The following CLPB variants were observed in gnomAD, a reference collection of about 807,000 sequenced individuals.
CLPB encodes ClpB family mitochondrial disaggregase.
CLPB carries 40 observed loss-of-function variants against 78.4 expected under a neutral mutation model. The ratio of observed to expected loss-of-function variants is 0.51; its 90% CI spans 0.40 to 0.66. The LOEUF is 0.66. CLPB is among the 30% of genes least tolerant of loss of function. CLPB has a pLI of 0.00. For missense variants in CLPB, 780 were observed against 886.9 expected (o/e 0.88, Z 1.53); for synonymous variants, 333 against 348.0 (o/e 0.96, Z 0.48).
intron 2 of CLPB, among the ~76,000 whole-genome samples, chr11:72,406,347 T>C (rs1855709553): frequency 6.6e-6 from 1 of 152,066 alleles, no homozygotes; most frequent in Admixed American, 6.5e-5. Flanking sequence ...AGAAAGAAGA[T>C]TGAAATGCCT....
Position 72,419,140 on chromosome 11 carries a change from T to C in CLPB, c.455+11172A>G, listed in dbSNP as rs971043746. Among the ~76,000 whole-genome samples the C allele has an allele frequency of 1.1e-3, 173 of 152,222 alleles. 3 individuals are homozygous for C. Among genetic ancestry groups the C allele is most frequent in the Non-Finnish European group, 6.8e-4 (46 of 68,042 alleles). On this transcript the variant is annotated intron_variant, in intron 2 of 15. Transcript: ENST00000538039. Reference sequence around the variant, plus strand: ...AACACACTGGCTTGATTGTTTTCAATATTCTTAGATTCATCTCTGTTCCTC... The same window carrying C: ...AACACACTGGCTTGATTGTTTTCAACATTCTTAGATTCATCTCTGTTCCTC...
chr11:72,407,994 C>A, intron 2 of CLPB: 1 of 795,096 alleles, frequency 1.3e-6, no homozygotes. Context: ...CATCATCTGG[C>A]TAAGCTTTGT....
chr11:72,371,113 G>C (rs1263046303), intron 4 of CLPB, among the ~76,000 whole-genome samples: 1 of 152,072 alleles, frequency 6.6e-6, no homozygotes, highest in African/African-American at 2.4e-5. Context: ...ACCCAGGCTG[G>C]AGTGCAGTGG....
At chr11:72,299,285 C>T (rs1466574558) in intron 11 of CLPB, among the ~76,000 whole-genome samples, 3 of 152,240 alleles carry the variant, frequency 2.0e-5, no homozygotes, top group African/African-American at 7.2e-5. Flanking sequence ...TCTCCCTTCT[C>T]ATCCATTCTT....
Position 72,293,527 on chromosome 11 carries a change from T to A in CLPB, c.1874A>T (p.Asp625Val). ...GCTTTTGAGTAGCTGCTTGTCTGAG[T>A]CCTCCACCGTGATGCGCAAAGTACA... The part of the protein sequence containing the change: ...GGCTLRITVE[D>V]SDKQLLKSPE... The change falls in exon 16 of 16, where the codon GAC (aspartate) becomes GTC (valine). Residue 625 changes from aspartate (D) to valine (V), a missense_variant. Around this residue, in one of 3 missense-constraint regions of CLPB, gnomAD observed 272 missense variants for 304.0 expected, o/e 0.89. Coordinates refer to ENST00000538039, the MANE Select transcript of CLPB (RefSeq NM_001258392.3). The A allele has an allele frequency of 5.0e-6, 8 of 1,613,972 alleles. No homozygotes were observed. The highest frequency in any genetic ancestry group is 6.8e-6 in the Non-Finnish European group (8 of 1,179,980).
At position 72,354,285 on chromosome 11, in the gene CLPB, A is replaced by G. The variant is rs970401625; in HGVS notation, c.775+4595T>C. 92 of 392,980 alleles carry G rather than the reference A, an allele frequency of 2.3e-4. 1 individual carries two copies. The East Asian group carries it at 2.4e-3, about 10-fold the overall frequency. The allele number at this position is 392,980 out of a possible 1,614,324, so 24.3% of individuals were successfully genotyped here. A position where few individuals can be genotyped will look rare whatever the true frequency, so the allele number is the denominator to read the frequency against. ...CAAAGATGTGTGTGTGTGTATATAT[A>G]TATATATATATATAGCTAGTACCAT... On this transcript the variant is annotated intron_variant, in intron 5 of 15. Coordinates refer to ENST00000538039, the MANE Select transcript of CLPB (RefSeq NM_001258392.3).
chr11:72,393,706 A>G (rs1353282106), intron 3 of CLPB, among the ~76,000 whole-genome samples: 1 of 152,206 alleles, frequency 6.6e-6, no homozygotes, highest in Non-Finnish European at 1.5e-5. Context: ...CTGGGGCCTG[A>G]TGTTGCACAG....
chr11:72,286,110 G>GA lies in CLPB; in HGVS notation c.*7256dup, dbSNP rs1949384185. The GA allele has an allele frequency of 6.6e-6, 1 of 151,592 alleles. No individual in the cohort carries two copies. The highest frequency in any genetic ancestry group is 2.4e-5 in the African/African-American group (1 of 41,232). 9.4% of individuals were successfully genotyped at this position (151,592 alleles called of 1,614,324 possible). On this transcript the variant is annotated 3_prime_UTR_variant, in exon 16 of 16. Coordinates refer to ENST00000538039, the MANE Select transcript of CLPB (RefSeq NM_001258392.3). ...CCACAACCAGCTAATTTTTTGCAGA[G>GA]ATGGGGTTTCACCATGTTGCTCAGG... is the stretch of plus-strand genomic sequence containing the variant.
rs143063258 is a variant in CLPB at position 72,402,659 on chromosome 11, T to A, written c.542+307A>T. On this transcript the variant is annotated intron_variant, in intron 3 of 15. Transcript: ENST00000538039. Reference sequence around the variant, plus strand: ...GATGGTAGGTAACAGAACATTACAATAATTTGCACCTATAAACACAACCAA... The same window carrying A: ...GATGGTAGGTAACAGAACATTACAAAAATTTGCACCTATAAACACAACCAA... 6.0e-3 allele frequency among the ~76,000 whole-genome samples: 917 copies of A among 152,340 alleles called. 13 individuals are homozygous for A. The highest frequency in any genetic ancestry group is 0.021 in the African/African-American group (878 of 41,578).
At chr11:72,420,227 A>T (rs1370326311) in intron 2 of CLPB, among the ~76,000 whole-genome samples, 1 of 152,146 alleles carries the variant, frequency 6.6e-6, no homozygotes, top group African/African-American at 2.4e-5. Context: ...ATGGCTGGGC[A>T]TGGTGGCTCA....
At chr11:72,344,334 G>T (rs1950473540) in intron 5 of CLPB, among the ~76,000 whole-genome samples, 3 of 151,886 alleles carry the variant, frequency 2.0e-5, no homozygotes, top group Admixed American at 2.0e-4. Flanking sequence ...TCAGCCTCCT[G>T]AGTAGATGGG....
chr11:72,408,150 C>A lies in CLPB; in HGVS notation c.456-5098G>T, dbSNP rs1396778931. 2.0e-6 allele frequency: 3 copies of A among 1,535,618 alleles called. No homozygotes were observed. The South Asian group carries it at 3.6e-5, about 18-fold the overall frequency. On this transcript the variant is annotated intron_variant, in intron 2 of 15. Coordinates refer to ENST00000538039, the MANE Select transcript of CLPB (RefSeq NM_001258392.3). ...TTGGTGTTCTTCAGTGAGACTCCAGCATTCAGCCCTGCCCAGCTTCTTGAC... is the reference window on the plus strand; with the variant it reads ...TTGGTGTTCTTCAGTGAGACTCCAGAATTCAGCCCTGCCCAGCTTCTTGAC...
In CLPB at chr11:72,293,551, C is replaced by G. The variant is rs201614831; in HGVS notation, c.1850G>C (p.Cys617Ser). 1 of 1,614,126 alleles carries G rather than the reference C, an allele frequency of 6.2e-7. No individual in the cohort carries two copies. The highest frequency in any genetic ancestry group is 2.2e-5 in the East Asian group (1 of 44,868). Reference protein sequence around the residue: ...AYEQDLLPGGCTLRITVEDSD... With the variant: ...AYEQDLLPGGSTLRITVEDSD... ...GTCCTCCACCGTGATGCGCAAAGTA[C>G]AGCCCCCTGGCAGCAGGTCCTGCTC... The change falls in exon 16 of 16, where the codon TGT becomes TCT. Residue 617 changes from cysteine to serine, a missense_variant. This residue lies in a region of CLPB where 272 missense variants were observed against 304.0 expected (regional missense o/e 0.89). Coordinates refer to ENST00000538039, the MANE Select transcript of CLPB (RefSeq NM_001258392.3).
At chr11:72,404,852 T>C (rs776923437) in intron 2 of CLPB, among the ~76,000 whole-genome samples, 4 of 152,158 alleles carry the variant, frequency 2.6e-5, no homozygotes, top group Non-Finnish European at 5.9e-5. Flanking sequence ...GTTTGGAGGA[T>C]TTACTCTGGT....
At chr11:72,412,317 T>C (rs1279533150) in intron 2 of CLPB, among the ~76,000 whole-genome samples, 2 of 152,184 alleles carry the variant, frequency 1.3e-5, no homozygotes, top group Non-Finnish European at 1.5e-5. Flanking sequence ...CATTCTGTCA[T>C]GCCTGGAGAA....
intron 8 of CLPB, 27 bp downstream of exon 8, chr11:72,308,500 C>A (rs1590773409): frequency 6.2e-7 from 1 of 1,606,608 alleles, no homozygotes. Context: ...GCTCTCTGTC[C>A]CCACTGGCTG....
At chr11:72,326,698 C>T (rs984665614) in intron 6 of CLPB, among the ~76,000 whole-genome samples, 1 of 152,034 alleles carries the variant, frequency 6.6e-6, no homozygotes. Context: ...CAGCAGCCTC[C>T]AGGCCTGAGT....
At chr11:72,346,899 T>C (rs972055178) in intron 5 of CLPB, among the ~76,000 whole-genome samples, 3 of 150,380 alleles carry the variant, frequency 2.0e-5, no homozygotes, top group African/African-American at 4.9e-5. Context: ...GGGAATCGCT[T>C]GAACCCGGGA....
In CLPB at chr11:72,292,140, C is replaced by G. The variant is rs1019145032; in HGVS notation, c.*1227G>C. 2.6e-5 allele frequency: 4 copies of G among 152,090 alleles called. No homozygotes were observed. The highest frequency in any genetic ancestry group is 7.2e-5 in the African/African-American group (3 of 41,380). 9.4% of individuals were successfully genotyped at this position (152,090 alleles called of 1,614,324 possible). A position where few individuals can be genotyped will look rare whatever the true frequency, so the allele number is the denominator to read the frequency against. On this transcript the variant is annotated 3_prime_UTR_variant, in exon 16 of 16. Transcript: ENST00000538039. ...CCAAGCATCTGCTGGAGCTCACACC[C>G]TGGATTCTGACTGCCTCATACCCAC...
Sources: allele counts gnomAD v4.1 joint callset (sites outside exome capture counted in the v4.1 genomes callset), GRCh38; gene constraint gnomAD v4.1.1; regional missense constraint gnomAD v4.1.1; transcripts MANE v1.5; gene names NCBI Gene and HGNC (gene_info 2026-07-23, HGNC 2026-07-21).